The following EPRS1 variants were observed in gnomAD, a reference collection of about 807,000 sequenced individuals.
The protein encoded by EPRS1 is bifunctional glutamate/proline--tRNA ligase.
In EPRS1, 107 loss-of-function variants were observed where a neutral mutation model predicts 188.3. The observed-to-expected ratio is 0.57, with a 90% confidence interval of 0.49 to 0.67. The LOEUF (loss-of-function observed/expected upper bound fraction) is 0.67. Among genes scored for constraint, EPRS1 ranks in the 30% least tolerant of loss-of-function variants. EPRS1 has a pLI of 0.00. For missense variants in EPRS1, 1,577 were observed against 1,802.2 expected, an observed-to-expected ratio of 0.88 and a Z score of 2.26; for synonymous variants, 596 against 593.1, an observed-to-expected ratio of 1.00 and a Z score of -0.07.
At chr1:219,981,333 A>G in intron 24 of EPRS1, 45 bp downstream of exon 24, 1 of 1,280,880 alleles carries the variant, frequency 7.8e-7, no homozygotes, top group Admixed American at 2.3e-5. Context: ...AAAAAAAAAA[A>G]AGAACATGAA....
At chr1:220,033,481 A>G (rs781617036) in intron 4 of EPRS1, 21 bp downstream of exon 4, 2 of 1,548,840 alleles carry the variant, frequency 1.3e-6, no homozygotes, top group Admixed American at 4.1e-5. Flanking sequence ...AAAACAGAGG[A>G]TTATTAAGAA....
chr1:220,001,125 T>C lies in EPRS1; in HGVS notation c.2181+13A>G, dbSNP rs1433342386. 1.4e-6 allele frequency: 2 copies of C among 1,432,732 alleles called. No individual in the cohort carries two copies. Among genetic ancestry groups the C allele is most frequent in the Non-Finnish European group, 2.0e-6 (2 of 1,014,428 alleles). 88.8% of individuals were successfully genotyped at this position (1,432,732 alleles called of 1,614,324 possible). A position where few individuals can be genotyped will look rare whatever the true frequency, so the allele number is the denominator to read the frequency against. On this transcript the variant is annotated intron_variant, in intron 17 of 31. Transcript: ENST00000366923. ...CCATTTATTTTTATACACATATCCGTAAAAGTCATTACCTCATTTTTTGTG... is the reference window on the plus strand; with the variant it reads ...CCATTTATTTTTATACACATATCCGCAAAAGTCATTACCTCATTTTTTGTG...
chr1:219,971,007 C>T (rs951959134), intron 30 of EPRS1, among the ~76,000 whole-genome samples: 11 of 151,956 alleles, frequency 7.2e-5, no homozygotes, highest in South Asian at 4.2e-4. Context: ...CATATTAATA[C>T]GTTATGACCA....
intron 18 of EPRS1, among the ~76,000 whole-genome samples, chr1:219,990,895 T>C (rs1388206210): frequency 6.6e-6 from 1 of 152,162 alleles, no homozygotes; most frequent in African/African-American, 2.4e-5. Context: ...TGCTAGTAGA[T>C]TTTAAGTTGT....
chr1:220,025,211 T>C lies in EPRS1; in HGVS notation c.671A>G (p.Tyr224Cys). 6.2e-7 allele frequency: 1 copy of C among 1,611,960 alleles called. No individual in the cohort carries two copies. Among genetic ancestry groups the C allele is most frequent in the Non-Finnish European group, 8.5e-7 (1 of 1,178,258 alleles). Residue 224 changes from tyrosine to cysteine, a missense_variant, in exon 7 of 32, where the codon TAC becomes TGC. Around this residue, in one of 3 missense-constraint regions of EPRS1, gnomAD observed 1,278 missense variants for 1,457.4 expected, o/e 0.88. Transcript: ENST00000366923. ...HAKAALLNQH[Y>C]QVNFKGKLIM... is the part of the protein sequence containing the mutation. ...CAGTTTCCCTTTAAAGTTAACCTGGTAGTGCTGGTTCAGAAGAGCAGCTTT... is the reference window on the plus strand; with the variant it reads ...CAGTTTCCCTTTAAAGTTAACCTGGCAGTGCTGGTTCAGAAGAGCAGCTTT...
chr1:220,016,450 A>G (rs4846611), intron 12 of EPRS1, among the ~76,000 whole-genome samples: 106,589 of 150,244 alleles, frequency 0.71, 38,003 homozygotes, highest in East Asian at 0.85. Context: ...TCACCCTGTC[A>G]CCCAGGCTGG....
At position 220,032,387 on chromosome 1, in the gene EPRS1, C is replaced by A; in HGVS notation, c.528G>T (p.Val176=). 1 of 1,588,584 alleles carries A rather than the reference C, an allele frequency of 6.3e-7. No homozygotes were observed. The highest frequency in any genetic ancestry group is 1.4e-5 in the African/African-American group (1 of 72,868). The part of the protein sequence containing the change: ...KWDVSTTKAR[V]APEKKQDVGK... Reference sequence around the variant, plus strand: ...TAAAAAAAAAGAAAAAAAGGCTTACCACTCGAGCTTTGGTTGTTGAAACAT... The same window carrying A: ...TAAAAAAAAAGAAAAAAAGGCTTACAACTCGAGCTTTGGTTGTTGAAACAT... The change falls in exon 5 of 32, where the codon GTG becomes GTT. Residue 176 remains valine, a splice_region_variant and synonymous_variant. Coordinates refer to ENST00000366923, the MANE Select transcript of EPRS1 (RefSeq NM_004446.3).
At position 220,007,225 on chromosome 1, in the gene EPRS1, G is replaced by T. The variant is rs763610869; in HGVS notation, c.1719C>A (p.Asn573Lys). 25 of 1,612,860 alleles carry T rather than the reference G, an allele frequency of 1.6e-5. No individual in the cohort carries two copies. The highest frequency in any genetic ancestry group is 2.0e-5 in the Non-Finnish European group (24 of 1,179,530). Residue 573 changes from asparagine (N) to lysine (K), a missense_variant, in exon 14 of 32, where the codon AAC becomes AAA. Asn to Lys is a moderately conservative substitution (Grantham distance 94). Coordinates refer to ENST00000366923, the MANE Select transcript of EPRS1 (RefSeq NM_004446.3). ...GEMVTFINWG[N>K]LNITKIHKNA... is the part of the protein sequence containing the mutation. ...ACTTGTGTATTTTTGTAATGTTGAG[G>T]TTGCCCCAATTTATAAATGTAACCA... is the stretch of plus-strand genomic sequence containing the variant.
intron 25 of EPRS1, 48 bp from the exon 26 acceptor site, chr1:219,980,288 T>A: frequency 7.0e-7 from 1 of 1,437,580 alleles, no homozygotes; most frequent in Non-Finnish European, 9.6e-7. Flanking sequence ...GTACATTTAT[T>A]CATTAAGATC....
At chr1:220,032,275 A>T in intron 5 of EPRS1, 112 bp downstream of exon 5, 7 of 688,788 alleles carry the variant, frequency 1.0e-5, no homozygotes, top group Non-Finnish European at 1.3e-5. Context: ...TTTAGCAGAG[A>T]TGCGGTTTCA....
At chr1:220,011,851 A>G (rs77161499) in intron 12 of EPRS1, among the ~76,000 whole-genome samples, 11 of 152,224 alleles carry the variant, frequency 7.2e-5, no homozygotes, top group African/African-American at 1.9e-4. Flanking sequence ...CAATGTTTAG[A>G]CACTATATAT....
intron 18 of EPRS1, among the ~76,000 whole-genome samples, chr1:219,995,322 GCTT>G (rs1207204964): frequency 3.9e-5 from 6 of 152,306 alleles, no homozygotes; most frequent in Admixed American, 3.9e-4. Context: ...TACAACGGTT[GCTT>G]CTGTTACTAT....
At chr1:220,016,828 A>T (rs923065020) in intron 12 of EPRS1, among the ~76,000 whole-genome samples, 4 of 152,028 alleles carry the variant, frequency 2.6e-5, no homozygotes, top group African/African-American at 9.7e-5. Flanking sequence ...GAGAAAAAGT[A>T]AAAGGTCAAA....
chr1:219,994,174 T>G (rs1661178606), intron 18 of EPRS1, among the ~76,000 whole-genome samples: 2 of 152,200 alleles, frequency 1.3e-5, no homozygotes, highest in African/African-American at 4.8e-5. Context: ...ATTCTCCCCA[T>G]GTCTGTGTGA....
In EPRS1 at chr1:219,997,275, G is replaced by C; in HGVS notation, c.2249C>G (p.Ser750Cys). The C allele has an allele frequency of 6.2e-7, 1 of 1,613,694 alleles. No individual in the cohort carries two copies. The highest frequency in any genetic ancestry group is 8.5e-7 in the Non-Finnish European group (1 of 1,179,738). Residue 750 changes from serine (S) to cysteine (C), a missense_variant, in exon 18 of 32, where the codon TCC becomes TGC. Around this residue, in one of 3 missense-constraint regions of EPRS1, gnomAD observed 1,278 missense variants for 1,457.4 expected, o/e 0.88. Coordinates refer to ENST00000366923, the MANE Select transcript of EPRS1 (RefSeq NM_004446.3). Reference protein sequence around the residue: ...LNNNCTTSEDSLVLYNRVAVQ... With the variant: ...LNNNCTTSEDCLVLYNRVAVQ... ...AGCCACTCTATTGTAAAGGACCAAG[G>C]AATCCTCAGATGTAGTACAATTATT...
chr1:219,996,224 C>T (rs1381128636), intron 18 of EPRS1, among the ~76,000 whole-genome samples: 1 of 152,142 alleles, frequency 6.6e-6, no homozygotes, highest in Admixed American at 6.5e-5. Context: ...TAAGGACATA[C>T]TGAAACAAGA....
chr1:220,035,073 G>T (rs1204443804), intron 2 of EPRS1, 60 bp from the exon 3 acceptor site: 1 of 788,894 alleles, frequency 1.3e-6, no homozygotes, highest in African/African-American at 1.8e-5. Flanking sequence ...TAAGTCATGA[G>T]ACTTATGAAG....
chr1:219,988,494 A>C, intron 19 of EPRS1, 96 bp downstream of exon 19: 1 of 755,848 alleles, frequency 1.3e-6, no homozygotes, highest in South Asian at 1.8e-5. Flanking sequence ...TATGAGTAGA[A>C]GTTAGCCAGA....
rs1016711517 is a variant in EPRS1, at chr1:220,010,999, C to T, written c.1552G>A (p.Val518Met). ...VALLKKEVIP[V>M]NVPEAQEEMK... ...TCCTCCTGAGCTTCAGGTACATTCA[C>T]TGGGATCACTTCTTTCTTCAGTAAT... The change falls in exon 13 of 32, where the codon GTG becomes ATG. Residue 518 changes from valine (V) to methionine (M), a missense_variant. Physicochemically the swap from Val to Met is conservative, Grantham distance 21. Around this residue, in one of 3 missense-constraint regions of EPRS1, gnomAD observed 1,278 missense variants for 1,457.4 expected, o/e 0.88. Coordinates refer to ENST00000366923, the MANE Select transcript of EPRS1 (RefSeq NM_004446.3). 6 of 1,613,808 alleles carry T rather than the reference C, an allele frequency of 3.7e-6. No individual in the cohort carries two copies. Among genetic ancestry groups the T allele is most frequent in the Non-Finnish European group, 5.1e-6 (6 of 1,179,776 alleles).
Sources: allele counts gnomAD v4.1 joint callset (sites outside exome capture counted in the v4.1 genomes callset), GRCh38; gene constraint gnomAD v4.1.1; regional missense constraint gnomAD v4.1.1; transcripts MANE v1.5; gene names NCBI Gene and HGNC (gene_info 2026-07-23, HGNC 2026-07-21).